The following LINGO1 variants were observed in gnomAD, a reference collection of about 807,000 sequenced individuals.
LINGO1 encodes leucine rich repeat and Ig domain containing 1.
A neutral mutation model predicts 37.3 loss-of-function variants in LINGO1; 11 were observed. That is an observed-to-expected ratio of 0.29 (90% CI 0.19 to 0.49). The LOEUF is 0.49. Ranked by LOEUF, LINGO1 falls within the 20% of genes least tolerant of loss-of-function variation. The pLI, the probability that LINGO1 is intolerant of heterozygous loss-of-function variation, is 0.99. For synonymous variants in LINGO1, 387 were observed against 403.0 expected, an observed-to-expected ratio of 0.96 and a Z score of 0.48; for missense variants, 585 against 878.2, an observed-to-expected ratio of 0.67 and a Z score of 4.22.
intron 2 of LINGO1, among the ~76,000 whole-genome samples, chr15:77,722,213 G>C (rs1018920604): frequency 1.7e-4 from 25 of 149,810 alleles, no homozygotes; most frequent in African/African-American, 5.9e-4. Flanking sequence ...TCAGCACACC[G>C]GCCAGGGAAG....
chr15:77,645,932 C>T (rs1475025535), intron 3 of LINGO1, among the ~76,000 whole-genome samples: 1 of 152,206 alleles, frequency 6.6e-6, no homozygotes, highest in African/African-American at 2.4e-5. Context: ...GCCAGGTGGC[C>T]TCGGTGTGGC....
intron 3 of LINGO1, chr15:77,648,198 C>T (rs2074679239): frequency 3.2e-6 from 1 of 310,200 alleles, no homozygotes; most frequent in Non-Finnish European, 6.2e-6. Flanking sequence ...GTAGTATTAA[C>T]ATACAAGTTA....
At chr15:77,623,795 G>C (rs1444666187) in intron 1 of LINGO1, among the ~76,000 whole-genome samples, 1 of 151,932 alleles carries the variant, frequency 6.6e-6, no homozygotes, top group African/African-American at 2.4e-5. Flanking sequence ...TCTTGCTCTC[G>C]GTTCTGGCAA....
At chr15:77,799,549 C>G (rs1322175734) in intron 1 of LINGO1, among the ~76,000 whole-genome samples, 2 of 152,184 alleles carry the variant, frequency 1.3e-5, no homozygotes, top group Non-Finnish European at 2.9e-5. Context: ...AGAAGTAACT[C>G]AAAGAATGTG....
upstream of LINGO1, chr15:77,788,517 C>T (rs2076793301): frequency 6.6e-6 from 1 of 152,216 alleles, no homozygotes; most frequent in Non-Finnish European, 1.5e-5. Flanking sequence ...GTGGTCATAA[C>T]TTCAACTACC....
intron 3 of LINGO1, among the ~76,000 whole-genome samples, chr15:77,653,765 T>C (rs901712692): frequency 6.6e-6 from 1 of 152,088 alleles, no homozygotes; most frequent in Non-Finnish European, 1.5e-5. Context: ...TAACAGTCCA[T>C]CTGAAAGAGA....
At chr15:77,670,930 C>G (rs2075236932) in intron 3 of LINGO1, among the ~76,000 whole-genome samples, 1 of 152,230 alleles carries the variant, frequency 6.6e-6, no homozygotes, top group Non-Finnish European at 1.5e-5. Flanking sequence ...CCTAGCTCCT[C>G]CAGCCCAGGC....
At chr15:77,772,096 G>C (rs1164807277) in intron 1 of LINGO1, among the ~76,000 whole-genome samples, 1 of 152,188 alleles carries the variant, frequency 6.6e-6, no homozygotes, top group African/African-American at 2.4e-5. Flanking sequence ...ACAGAAAGAG[G>C]AACCTTGGGC....
intron 2 of LINGO1, among the ~76,000 whole-genome samples, chr15:77,793,790 T>C (rs2076836372): frequency 6.6e-6 from 1 of 152,204 alleles, no homozygotes; most frequent in Non-Finnish European, 1.5e-5. Context: ...TAGAAAACAG[T>C]AAGTACAGCT....
chr15:77,685,968 C>A (rs1436448006), intron 2 of LINGO1, among the ~76,000 whole-genome samples: 1 of 152,188 alleles, frequency 6.6e-6, no homozygotes, highest in African/African-American at 2.4e-5. Flanking sequence ...TGTCCTGGGG[C>A]CTGGGCTTCC....
intron 2 of LINGO1, among the ~76,000 whole-genome samples, chr15:77,717,145 G>A (rs1250009273): frequency 1.3e-5 from 2 of 150,542 alleles, no homozygotes; most frequent in African/African-American, 2.4e-5. Context: ...AGTGCAGCAA[G>A]GCGGGGGTTA....
chr15:77,796,673 C>T (rs1276682862), intron 1 of LINGO1, among the ~76,000 whole-genome samples: 2 of 151,852 alleles, frequency 1.3e-5, no homozygotes, highest in African/African-American at 4.8e-5. Flanking sequence ...CTTCCCAACC[C>T]CCATCTACTC....
At chr15:77,680,206 G>C (rs2075391076) in intron 2 of LINGO1, among the ~76,000 whole-genome samples, 1 of 152,218 alleles carries the variant, frequency 6.6e-6, no homozygotes, top group Admixed American at 6.5e-5. Context: ...CTAGGTCCCT[G>C]AGTTGTTGTG....
intron 1 of LINGO1, among the ~76,000 whole-genome samples, chr15:77,800,798 C>T (rs1185502189): frequency 5.3e-5 from 8 of 151,906 alleles, no homozygotes; most frequent in Non-Finnish European, 1.0e-4. Flanking sequence ...AAGAAAATGT[C>T]GCTAATATGC....
At chr15:77,623,961 CTGTGTGTGTGGCCTG>C (rs2074008617) in intron 1 of LINGO1, among the ~76,000 whole-genome samples, 2 of 143,882 alleles carry the variant, frequency 1.4e-5, no homozygotes, top group Admixed American at 1.4e-4. Context: ...TAAGCAGTCT[CTGTGTGTGTGGCCTG>C]TGTGTGTGTG....
At chr15:77,716,265 TTTC>T (rs201209680) in intron 2 of LINGO1, among the ~76,000 whole-genome samples, 10 of 138,006 alleles carry the variant, frequency 7.2e-5, no homozygotes, top group South Asian at 2.4e-4. Context: ...GGCTATTTTC[TTTC>T]TTCTTCTTCT....
chr15:77,633,495 C>T (rs1409210411), upstream of LINGO1, among the ~76,000 whole-genome samples: 3 of 152,206 alleles, frequency 2.0e-5, no homozygotes, highest in Admixed American at 1.3e-4. Context: ...CACATTCTAG[C>T]GCGGGAGGGC....
upstream of LINGO1, among the ~76,000 whole-genome samples, chr15:77,635,338 T>C (rs566150034): frequency 2.0e-4 from 30 of 151,930 alleles, no homozygotes; most frequent in African/African-American, 7.0e-4. Flanking sequence ...TTTTTGAGGG[T>C]CTAGTTTGGG....
chr15:77,725,905 C>T (rs1407360185), intron 2 of LINGO1, among the ~76,000 whole-genome samples: 2 of 152,246 alleles, frequency 1.3e-5, no homozygotes, highest in Admixed American at 1.3e-4. Context: ...CGCCCCACCA[C>T]TACTCCTGTA....
Sources: gnomAD v4.1 joint callset for allele counts (sites outside exome capture counted in the v4.1 genomes callset) on GRCh38, gnomAD v4.1.1 for gene constraint, MANE v1.5 for transcripts, NCBI Gene and HGNC (gene_info 2026-07-23, HGNC 2026-07-21) for gene names.